Variants in DISC1 observed in about 807,000 individuals in gnomAD.
DISC1 encodes disrupted in schizophrenia 1 protein.
In DISC1, 57 loss-of-function variants were observed where a neutral mutation model predicts 84.5. That is an observed-to-expected ratio of 0.67 (90% CI 0.55 to 0.84). The LOEUF (loss-of-function observed/expected upper bound fraction) is 0.84, where lower values mean the gene tolerates loss of function less well. Ranked by LOEUF, DISC1 falls within the 40% of genes least tolerant of loss-of-function variation. DISC1 has a pLI of 0.00. For synonymous variants in DISC1, 411 were observed against 415.2 expected, an observed-to-expected ratio of 0.99 and a Z score of 0.12; for missense variants, 1,000 against 1,057.8, an observed-to-expected ratio of 0.95 and a Z score of 0.76.
chr1:231,676,750 A>T (rs1283927290), intron 1 of DISC1, among the ~76,000 whole-genome samples: 1 of 152,238 alleles, frequency 6.6e-6, no homozygotes, highest in Non-Finnish European at 1.5e-5. Flanking sequence ...ATTTCAAAAT[A>T]AGCTGTGTAC....
At chr1:231,867,707 T>C (rs1053769615) in intron 9 of DISC1, among the ~76,000 whole-genome samples, 1 of 152,238 alleles carries the variant, frequency 6.6e-6, no homozygotes, top group Non-Finnish European at 1.5e-5. Flanking sequence ...CTGTTGTTGA[T>C]AGATCTTCCC....
At chr1:231,819,675 C>T (rs527757258) in intron 9 of DISC1, among the ~76,000 whole-genome samples, 3 of 152,286 alleles carry the variant, frequency 2.0e-5, no homozygotes, top group South Asian at 2.1e-4. Flanking sequence ...ACAACACGCT[C>T]ACCCAAGACA....
At position 231,897,506 on chromosome 1, in the gene DISC1, C is replaced by G. The variant is rs954603954; in HGVS notation, c.1982-61322C>G. Among the ~76,000 whole-genome samples the G allele has an allele frequency of 6.6e-6, 1 of 152,104 alleles. No individual in the cohort carries two copies. The highest frequency in any genetic ancestry group is 2.4e-5 in the African/African-American group (1 of 41,418). On this transcript the variant is annotated intron_variant, in intron 9 of 12. Coordinates refer to ENST00000439617, the MANE Select transcript of DISC1 (RefSeq NM_018662.3). The surrounding 1 kb of genome is among the most constrained non-coding windows in gnomAD (Gnocchi z 4.5). Reference sequence around the variant, plus strand: ...TTCACACATACAGCGCAGACTAAATCGTCTTTTTCTTTATCTTTTTTTTTT... The same window carrying G: ...TTCACACATACAGCGCAGACTAAATGGTCTTTTTCTTTATCTTTTTTTTTT...
At chr1:231,767,510 T>C (rs1484886309) in intron 5 of DISC1, among the ~76,000 whole-genome samples, 1 of 152,232 alleles carries the variant, frequency 6.6e-6, no homozygotes, top group Non-Finnish European at 1.5e-5. Context: ...TTGCTCAGGC[T>C]GCTCTTGAAC....
intron 3 of DISC1, among the ~76,000 whole-genome samples, chr1:231,704,759 CAAAAAAAAAAAAAA>C: frequency 4.1e-5 from 1 of 24,356 alleles, no homozygotes; most frequent in Non-Finnish European, 8.1e-5. Context: ...GACTCCGTCT[CAAAAAAAAAAAAAA>C]AAAAAAAAAA....
In DISC1 at chr1:231,897,335, T is replaced by C. The variant is rs1005963044; in HGVS notation, c.1982-61493T>C. 8.5e-5 allele frequency among the ~76,000 whole-genome samples: 13 copies of C among 152,246 alleles called. No individual in the cohort carries two copies. The highest frequency in any genetic ancestry group is 3.1e-4 in the African/African-American group (13 of 41,466). On this transcript the variant is annotated intron_variant, in intron 9 of 12. Transcript: ENST00000439617. This position sits in a 1 kb window ranked among gnomAD's most constrained non-coding sequence, Gnocchi z 4.5. ...CTTCTTTGTCACTGTGTCTTTTCCTTGAAATGAATGGAACTTTTTGATTTT... is the reference window on the plus strand; with the variant it reads ...CTTCTTTGTCACTGTGTCTTTTCCTCGAAATGAATGGAACTTTTTGATTTT...
chr1:231,827,132 C>T (rs1001836732), intron 9 of DISC1, among the ~76,000 whole-genome samples: 3 of 152,048 alleles, frequency 2.0e-5, no homozygotes, highest in East Asian at 1.9e-4. Context: ...GGATTACAGG[C>T]GCCCGCCACC....
chr1:231,925,519 T>A (rs764864390), intron 9 of DISC1, among the ~76,000 whole-genome samples: 1 of 152,116 alleles, frequency 6.6e-6, no homozygotes, highest in African/African-American at 2.4e-5. Flanking sequence ...CCTCCACTGG[T>A]GACAACACAT....
rs371025755 is a variant in DISC1 at position 232,009,974 on chromosome 1, C to T, written c.2307+925C>T. ...CTGGTGGGTGGGGAAATTGCCACCT[C>T]CCCAGGCCAGCCCTGCCAGTCTCAC... On this transcript the variant is annotated intron_variant, in intron 11 of 12. Coordinates refer to ENST00000439617, the MANE Select transcript of DISC1 (RefSeq NM_018662.3). The surrounding 1 kb of genome is among the most constrained non-coding windows in gnomAD (Gnocchi z 4.6). Among the ~76,000 whole-genome samples, 1 of 152,314 alleles carries T rather than the reference C, an allele frequency of 6.6e-6. No individual in the cohort carries two copies. Among genetic ancestry groups the T allele is most frequent in the East Asian group, 1.9e-4 (1 of 5,168 alleles).
At chr1:231,896,097 C>G (rs1440793526) in intron 9 of DISC1, among the ~76,000 whole-genome samples, 1 of 152,162 alleles carries the variant, frequency 6.6e-6, no homozygotes, top group African/African-American at 2.4e-5. Flanking sequence ...TACATTCCCC[C>G]TTCCTATGAG....
intron 9 of DISC1, among the ~76,000 whole-genome samples, chr1:231,840,142 G>A (rs2082931228): frequency 6.6e-6 from 1 of 152,186 alleles, no homozygotes; most frequent in South Asian, 2.1e-4. Context: ...ACCAAGTGCT[G>A]CCAAGAAGGT....
At chr1:232,010,580 T>C (rs1051769554) in intron 11 of DISC1, among the ~76,000 whole-genome samples, 3 of 152,186 alleles carry the variant, frequency 2.0e-5, no homozygotes, top group African/African-American at 7.2e-5. Flanking sequence ...CTAAAGGTTC[T>C]CAGCTGAGGC....
At chr1:231,977,797 T>C (rs1162608707) in intron 10 of DISC1, among the ~76,000 whole-genome samples, 1 of 152,196 alleles carries the variant, frequency 6.6e-6, no homozygotes, top group East Asian at 1.9e-4. Context: ...AGATAAAGAC[T>C]TAAAAAATAA....
At chr1:231,935,141 T>G (rs988477027) in intron 9 of DISC1, among the ~76,000 whole-genome samples, 3 of 152,212 alleles carry the variant, frequency 2.0e-5, no homozygotes, top group Non-Finnish European at 4.4e-5. Context: ...TGGGGAGCAC[T>G]GAGCCAAGCC....
chr1:231,845,317 C>A (rs1246693267), intron 9 of DISC1, among the ~76,000 whole-genome samples: 1 of 152,106 alleles, frequency 6.6e-6, no homozygotes, highest in Non-Finnish European at 1.5e-5. Context: ...CAGCTCTGGA[C>A]CGGGTTTGGC....
chr1:231,882,697 C>G (rs559655286), intron 9 of DISC1, among the ~76,000 whole-genome samples: 1 of 152,074 alleles, frequency 6.6e-6, no homozygotes. Flanking sequence ...AATCACTGTC[C>G]CTAGTCAGGT....
chr1:231,887,948 A>T (rs1158907723), intron 9 of DISC1, among the ~76,000 whole-genome samples: 1 of 152,266 alleles, frequency 6.6e-6, no homozygotes, highest in African/African-American at 2.4e-5. Flanking sequence ...CTACAGCTAC[A>T]CACACCAACA....
intron 3 of DISC1, among the ~76,000 whole-genome samples, chr1:231,732,140 A>AC (rs2071603430): frequency 6.6e-6 from 1 of 152,210 alleles, no homozygotes; most frequent in African/African-American, 2.4e-5. Context: ...CCAAGGTTGT[A>AC]TTGACTTGAA....
chr1:231,644,543 T>C (rs1269713133), intron 1 of DISC1, among the ~76,000 whole-genome samples: 1 of 152,072 alleles, frequency 6.6e-6, no homozygotes, highest in Non-Finnish European at 1.5e-5. Context: ...AAGGAAGGGG[T>C]GAGTTGGAAC....
Sources: gnomAD v4.1 joint callset for allele counts (sites outside exome capture counted in the v4.1 genomes callset) on GRCh38, gnomAD v4.1.1 for gene constraint, Gnocchi (gnomAD v3.1) non-coding constraint, MANE v1.5 for transcripts, NCBI Gene and HGNC (gene_info 2026-07-23, HGNC 2026-07-21) for gene names.